Variants in DDX5 observed in about 807,000 individuals in gnomAD.
DDX5 encodes the protein DEAD-box helicase 5.
A neutral mutation model predicts 68.6 loss-of-function variants in DDX5; 6 were observed. The ratio of observed to expected loss-of-function variants is 0.09; its 90% confidence interval spans 0.05 to 0.17. DDX5 has a LOEUF of 0.17. DDX5 is among the 10% of genes least tolerant of loss of function. The pLI is 1.00. For missense variants in DDX5, 499 were observed against 756.1 expected (o/e 0.66, Z 3.99); for synonymous variants, 350 against 247.0 (o/e 1.42, Z -3.91).
chr17:64,506,641 G>C, upstream of DDX5: 1 of 377,836 alleles, frequency 2.6e-6, no homozygotes, highest in Non-Finnish European at 4.9e-6. Flanking sequence ...CAAAAGAGGG[G>C]GAAGGCGGGG....
rs1212834827 is a variant in DDX5, at chr17:64,499,191, G to C, written c.*732C>G. 6.6e-6 allele frequency among the ~76,000 whole-genome samples: 1 copy of C among 151,718 alleles called. No individual in the cohort carries two copies. Among genetic ancestry groups the C allele is most frequent in the African/African-American group, 2.4e-5 (1 of 41,242 alleles). On this transcript the variant is annotated 3_prime_UTR_variant, in exon 13 of 13. Transcript: ENST00000225792. The stretch of plus-strand genomic sequence containing the variant: ...ATTCACAGTATAGCCAAGAGCATGA[G>C]TATAAGTCTCTTGAAAAAGCCAGTT...
At position 64,503,381 on chromosome 17, in the gene DDX5, C is replaced by G. The variant is rs782441746; in HGVS notation, c.650-33G>C. On this transcript the variant is annotated intron_variant, in intron 6 of 12. Coordinates refer to ENST00000225792, the MANE Select transcript of DDX5 (RefSeq NM_004396.5). ...TAAATACGTAAGTGTAACTACAATA[C>G]CTAGGATATTTAGCACCAATGACAA... 3.1e-6 allele frequency: 5 copies of G among 1,613,982 alleles called. No homozygotes were observed. In the South Asian group the frequency reaches 3.3e-5, roughly 11 times the overall value.
intron 1 of DDX5, chr17:64,505,687 G>A (rs542679207): frequency 1.3e-6 from 2 of 1,501,488 alleles, no homozygotes; most frequent in African/African-American, 1.4e-5. Context: ...TTTGGAAGTG[G>A]TCCCCTCGCT....
upstream of DDX5, chr17:64,506,807 G>T (rs1020795553): frequency 7.0e-6 from 4 of 571,728 alleles, 1 homozygote; most frequent in Admixed American, 9.0e-5. Context: ...GGCTGATGTG[G>T]ACCGTCCGAC....
chr17:64,506,211 C>A lies in DDX5; in HGVS notation c.-92G>T, dbSNP rs1179673330. 2 of 1,563,126 alleles carry A rather than the reference C, an allele frequency of 1.3e-6. No individual in the cohort carries two copies. On this transcript the variant is annotated 5_prime_UTR_variant, in exon 1 of 13. Transcript: ENST00000225792. The stretch of plus-strand genomic sequence containing the variant: ...TGGCCTCGATGACGGCGAAGCCTTG[C>A]GGGGGCGGCAGCGGAGGAAGGACAC...
At chr17:64,505,438 C>G in intron 1 of DDX5, 1 of 553,524 alleles carries the variant, frequency 1.8e-6, no homozygotes, top group Non-Finnish European at 3.2e-6. Flanking sequence ...CCGGCGACTA[C>G]CGGGGGAGGA....
Position 64,505,753 on chromosome 17 carries a change from A to G in DDX5, c.44+323T>C. 4 of 1,536,096 alleles carry G rather than the reference A, an allele frequency of 2.6e-6. No homozygotes were observed. The South Asian group carries it at 4.8e-5, about 18-fold the overall frequency. On this transcript the variant is annotated intron_variant, in intron 1 of 12. Coordinates refer to ENST00000225792, the MANE Select transcript of DDX5 (RefSeq NM_004396.5). ...CCTCCCGAAACGCCGCACCTAACAG[A>G]TGTTCCTTCGTCTGCCTCGAAGCGT...
chr17:64,506,032 A>AACCCCCCCCC, intron 1 of DDX5, 44 bp downstream of exon 1: 1 of 442,548 alleles, frequency 2.3e-6, no homozygotes, highest in South Asian at 3.9e-5. Context: ...CCGCCCTCCC[A>AACCCCCCCCC]TCCCCCCACC....
rs1555670242 is a variant in DDX5, at chr17:64,498,603, T to C, written c.*1320A>G. Among the ~76,000 whole-genome samples the C allele has an allele frequency of 6.6e-6, 1 of 152,142 alleles. No homozygotes were observed. The highest frequency in any genetic ancestry group is 2.4e-5 in the African/African-American group (1 of 41,428). On this transcript the variant is annotated 3_prime_UTR_variant, in exon 13 of 13. Transcript: ENST00000225792. ...ACTCCCTATCCCAGCCCTAGCAAATTCTAACTTTACATTTGACATAAGGCA... is the reference window on the plus strand; with the variant it reads ...ACTCCCTATCCCAGCCCTAGCAAATCCTAACTTTACATTTGACATAAGGCA...
At chr17:64,502,413 G>A (rs1555671282) in intron 9 of DDX5, 26 bp downstream of exon 9, 2 of 1,554,738 alleles carry the variant, frequency 1.3e-6, no homozygotes, top group South Asian at 1.1e-5. Context: ...TAATCAATCT[G>A]CTTCAATGGA....
In DDX5 at chr17:64,499,353, CCT is replaced by C. The variant is rs1483521191; in HGVS notation, c.*568_*569del. ...AGGAAAAAGGCTATTAAATGACTCCCCTGATGCTGGAAGCTGACAAAGCTTTT... is the reference window on the plus strand; with the variant it reads ...AGGAAAAAGGCTATTAAATGACTCCCGATGCTGGAAGCTGACAAAGCTTTT... On this transcript the variant is annotated 3_prime_UTR_variant, in exon 13 of 13. Transcript: ENST00000225792. Among the ~76,000 whole-genome samples the C allele has an allele frequency of 4.6e-5, 7 of 152,138 alleles. No individual in the cohort carries two copies. Among genetic ancestry groups the C allele is most frequent in the Non-Finnish European group, 2.9e-5 (2 of 67,982 alleles).
At chr17:64,502,638 C>A in intron 8 of DDX5, 89 bp from the exon 9 acceptor site, 1 of 973,640 alleles carries the variant, frequency 1.0e-6, no homozygotes, top group East Asian at 2.4e-5. Flanking sequence ...ACATTAAGTT[C>A]AATTTACATG....
In DDX5 at chr17:64,504,126, G is replaced by T; in HGVS notation, c.308-10C>A. The T allele has an allele frequency of 6.2e-7, 1 of 1,613,950 alleles. No homozygotes were observed. Among genetic ancestry groups the T allele is most frequent in the Non-Finnish European group, 8.5e-7 (1 of 1,179,850 alleles). On this transcript the variant is annotated splice_polypyrimidine_tract_variant and intron_variant, in intron 3 of 12. Transcript: ENST00000225792. ...ACATCCATGACATTTGCTATAATTA[G>T]TAACAGATATTTAGTAAAAATTAGT...
At position 64,503,287 on chromosome 17, in the gene DDX5, G is replaced by C; in HGVS notation, c.711C>G (p.Thr237=). The change falls in exon 7 of 13, where the codon ACC becomes ACG. Residue 237 remains threonine, a synonymous_variant. Transcript: ENST00000225792. ...CAAGGTAGGTTGTTCTTCTCAGATT[G>C]GTTTTTCCACACTCTAAAAAGTCAA... is the stretch of plus-strand genomic sequence containing the variant. ...RLIDFLECGK[T]NLRRTTYLVL... is the part of the protein sequence containing the mutation. 1 of 1,614,160 alleles carries C rather than the reference G, an allele frequency of 6.2e-7. No individual in the cohort carries two copies. The highest frequency in any genetic ancestry group is 8.5e-7 in the Non-Finnish European group (1 of 1,180,030).
chr17:64,500,036 C>T lies in DDX5; in HGVS notation c.1732G>A (p.Gly578Arg), dbSNP rs782608247. Residue 578 changes from glycine to arginine, a missense_variant, in exon 13 of 13, where the codon GGA (glycine) becomes AGA (arginine). By Grantham distance (125) the Gly-to-Arg change is moderately radical. Around this residue, in one of 5 missense-constraint regions of DDX5, gnomAD observed 171 missense variants for 174.8 expected, o/e 0.98. Coordinates refer to ENST00000225792, the MANE Select transcript of DDX5 (RefSeq NM_004396.5). The stretch of plus-strand genomic sequence containing the variant: ...TTGTGCATATTTGGAACATTACTTC[C>T]GTATTGCTGAGTGCTATCATAACCA... The part of the protein sequence containing the change: ...QNGYDSTQQY[G>R]SNVPNMHNGM... The T allele has an allele frequency of 6.8e-6, 11 of 1,614,180 alleles. No individual in the cohort carries two copies. The highest frequency in any genetic ancestry group is 2.2e-5 in the South Asian group (2 of 91,076).
intron 11 of DDX5, chr17:64,501,151 CA>C (rs1337177108): frequency 1.7e-5 from 4 of 231,680 alleles, no homozygotes; most frequent in East Asian, 1.1e-4. Flanking sequence ...GACCTTGAAA[CA>C]AAAAAATGTA....
Position 64,499,873 on chromosome 17 carries a change from A to C in DDX5, c.*50T>G. 1 of 1,486,576 alleles carries C rather than the reference A, an allele frequency of 6.7e-7. No homozygotes were observed. The highest frequency in any genetic ancestry group is 1.3e-5 in the South Asian group (1 of 75,030). 92.1% of individuals were successfully genotyped at this position (1,486,576 alleles called of 1,614,324 possible). ...TAACTATCTTGTCAGATAACACACA[A>C]TATAAAGAGCAATTATGAAAAACAG... is the stretch of plus-strand genomic sequence containing the variant. On this transcript the variant is annotated 3_prime_UTR_variant, in exon 13 of 13. Coordinates refer to ENST00000225792, the MANE Select transcript of DDX5 (RefSeq NM_004396.5).
Position 64,499,603 on chromosome 17 carries a change from G to A in DDX5, c.*320C>T, listed in dbSNP as rs1374142203. ...TTTACATGACATTATATAAAATAAA[G>A]TACAATTTCCACTTAATTCAGTCTT... is the stretch of plus-strand genomic sequence containing the variant. On this transcript the variant is annotated 3_prime_UTR_variant, in exon 13 of 13. Transcript: ENST00000225792. The A allele has an allele frequency of 7.6e-5, 20 of 263,902 alleles. No homozygotes were observed. In the East Asian group the frequency reaches 1.1e-3, roughly 14 times the overall value. 16.3% of individuals were successfully genotyped at this position (263,902 alleles called of 1,614,324 possible). A position where few individuals can be genotyped will look rare whatever the true frequency, so the allele number is the denominator to read the frequency against.
At chr17:64,506,724 C>A, upstream of DDX5, 1 of 419,982 alleles carries the variant, frequency 2.4e-6, no homozygotes, top group South Asian at 2.7e-5. Context: ...CCGTTGACGT[C>A]GGCGGAGGGA....
Sources: allele counts gnomAD v4.1 joint callset (sites outside exome capture counted in the v4.1 genomes callset), GRCh38; gene constraint gnomAD v4.1.1; regional missense constraint gnomAD v4.1.1; transcripts MANE v1.5; gene names NCBI Gene and HGNC (gene_info 2026-07-23, HGNC 2026-07-21).